Variants in CGNL1 observed in about 807,000 individuals in gnomAD.
The protein encoded by CGNL1 is cingulin like 1, also known as cingulin-like protein 1.
In CGNL1, 132 loss-of-function variants were observed where a neutral mutation model predicts 141.2. The observed-to-expected ratio is 0.93, with a 90% CI of 0.81 to 1.08. The LOEUF is 1.08. Among genes scored for constraint, CGNL1 ranks in the 50% least tolerant of loss-of-function variants. The probability of loss-of-function intolerance (pLI) is 0.00; values close to 1 mark genes in which losing one functional copy is unlikely to be tolerated. For synonymous variants in CGNL1, 690 were observed against 622.1 expected (o/e 1.11, Z -1.63); for missense variants, 1,870 against 1,588.6 (o/e 1.18, Z -3.01).
At chr15:57,523,225 C>G (rs2031384636) in intron 10 of CGNL1, among the ~76,000 whole-genome samples, 1 of 152,208 alleles carries the variant, frequency 6.6e-6, no homozygotes, top group African/African-American at 2.4e-5. Context: ...GCAGCCTTGG[C>G]CATGTATTTC....
At chr15:57,456,231 T>C (rs575559985) in intron 7 of CGNL1, among the ~76,000 whole-genome samples, 1 of 152,348 alleles carries the variant, frequency 6.6e-6, no homozygotes, top group East Asian at 1.9e-4. Flanking sequence ...CCCATGGCAG[T>C]TAGCTTGGAA....
intron 7 of CGNL1, among the ~76,000 whole-genome samples, chr15:57,455,255 C>G (rs979637216): frequency 5.3e-5 from 8 of 151,934 alleles, no homozygotes; most frequent in Non-Finnish European, 1.2e-4. Context: ...AAAATTGTTT[C>G]TAAGAATAAG....
chr15:57,423,715 G>T (rs2062941390), intron 1 of CGNL1, among the ~76,000 whole-genome samples: 1 of 152,116 alleles, frequency 6.6e-6, no homozygotes, highest in East Asian at 1.9e-4. Flanking sequence ...AGATTTCCTC[G>T]CATCCCCCTG....
At chr15:57,506,312 G>A (rs1475015204) in intron 8 of CGNL1, among the ~76,000 whole-genome samples, 1 of 152,218 alleles carries the variant, frequency 6.6e-6, no homozygotes, top group Non-Finnish European at 1.5e-5. Context: ...GGCATGTTGG[G>A]TTCTATAAAC....
chr15:57,437,658 G>T (rs1372613951), intron 1 of CGNL1, among the ~76,000 whole-genome samples: 1 of 67,532 alleles, frequency 1.5e-5, no homozygotes, highest in Non-Finnish European at 3.1e-5. Context: ...AAGGCAACCA[G>T]AACAGCCCAA....
intron 1 of CGNL1, among the ~76,000 whole-genome samples, chr15:57,400,509 G>A (rs78438291): frequency 0.027 from 4,179 of 152,128 alleles, 166 homozygotes; most frequent in Admixed American, 0.1. Flanking sequence ...GAAAATGGTG[G>A]GCTTCACAGC....
Position 57,454,102 on chromosome 15 carries a change from A to G in CGNL1, c.2190+284A>G, listed in dbSNP as rs2063352325. Among the ~76,000 whole-genome samples, 4 of 152,278 alleles carry G rather than the reference A, an allele frequency of 2.6e-5. No homozygotes were observed. In the South Asian group the frequency reaches 8.3e-4, roughly 32 times the overall value. On this transcript the variant is annotated intron_variant, in intron 7 of 18. Transcript: ENST00000281282. Reference sequence around the variant, plus strand: ...TTATTAGCAAGAATGTTGGTTTTCAATATGTACATTTTTGGGAGAGGGAAT... The same window carrying G: ...TTATTAGCAAGAATGTTGGTTTTCAGTATGTACATTTTTGGGAGAGGGAAT...
At chr15:57,515,590 A>G (rs562287774) in intron 8 of CGNL1, among the ~76,000 whole-genome samples, 21 of 152,224 alleles carry the variant, frequency 1.4e-4, no homozygotes, top group African/African-American at 4.8e-4. Context: ...GAAATGGAGG[A>G]CAGGTAAGAG....
intron 1 of CGNL1, among the ~76,000 whole-genome samples, chr15:57,414,661 A>AAACAAC (rs10527352): frequency 0.84 from 127,072 of 151,288 alleles, 53,773 homozygotes; most frequent in East Asian, 0.95. Flanking sequence ...TTTAAAACCA[A>AAACAAC]AACAACAACA....
At chr15:57,513,455 G>C (rs1373025987) in intron 8 of CGNL1, among the ~76,000 whole-genome samples, 4 of 152,092 alleles carry the variant, frequency 2.6e-5, no homozygotes, top group Non-Finnish European at 4.4e-5. Context: ...TAGATTGCTT[G>C]CACTTATTGG....
chr15:57,409,344 T>C (rs1454366392), intron 1 of CGNL1, among the ~76,000 whole-genome samples: 1 of 152,214 alleles, frequency 6.6e-6, no homozygotes, highest in African/African-American at 2.4e-5. Context: ...AATTCCATGC[T>C]GAGGAGATTG....
chr15:57,529,086 T>A, intron 13 of CGNL1: 1 of 314,248 alleles, frequency 3.2e-6, no homozygotes, highest in South Asian at 5.4e-5. Context: ...CTCAGGGACA[T>A]TAGGTGATTT....
intron 4 of CGNL1, among the ~76,000 whole-genome samples, chr15:57,445,635 G>A (rs1374461781): frequency 6.6e-6 from 1 of 152,184 alleles, no homozygotes; most frequent in Non-Finnish European, 1.5e-5. Flanking sequence ...GAAGTTGTGT[G>A]TTTGTGTTTC....
chr15:57,476,717 G>A lies in CGNL1; in HGVS notation c.2403+14825G>A, dbSNP rs115889446. Among the ~76,000 whole-genome samples the A allele has an allele frequency of 3.9e-3, 592 of 152,306 alleles. 2 individuals carry two copies. Among genetic ancestry groups the A allele is most frequent in the African/African-American group, 0.014 (564 of 41,544 alleles). On this transcript the variant is annotated intron_variant, in intron 8 of 18. Transcript: ENST00000281282. ...ATGCAATGGAAAAATCCCTCTGTCC[G>A]AGTCATCTCTAGGGAACAGAACTTG...
chr15:57,381,486 A>G (rs1171137940), intron 1 of CGNL1, among the ~76,000 whole-genome samples: 2 of 152,144 alleles, frequency 1.3e-5, no homozygotes, highest in East Asian at 1.9e-4. Flanking sequence ...GCTTGAGCCT[A>G]GGAGGTTGAG....
At position 57,388,111 on chromosome 15, in the gene CGNL1, G is replaced by A. The variant is rs529210059; in HGVS notation, c.-16+11544G>A. On this transcript the variant is annotated intron_variant, in intron 1 of 18. Transcript: ENST00000281282. ...TCTGACCTTATCTGCAGTGTCGGGGGGCTTCAGTGGGCAGAGATTAAAGCA... is the reference window on the plus strand; with the variant it reads ...TCTGACCTTATCTGCAGTGTCGGGGAGCTTCAGTGGGCAGAGATTAAAGCA... Among the ~76,000 whole-genome samples the A allele has an allele frequency of 2.0e-5, 3 of 152,332 alleles. No individual in the cohort carries two copies. The East Asian group carries it at 5.8e-4, about 29-fold the overall frequency.
intron 7 of CGNL1, among the ~76,000 whole-genome samples, chr15:57,458,154 A>C (rs1319041861): frequency 6.6e-6 from 1 of 152,210 alleles, no homozygotes; most frequent in African/African-American, 2.4e-5. Context: ...TAAGGACCAG[A>C]CACAGTCAAC....
intron 1 of CGNL1, among the ~76,000 whole-genome samples, chr15:57,383,573 C>T (rs1424988230): frequency 1.3e-5 from 2 of 151,308 alleles, no homozygotes; most frequent in African/African-American, 4.9e-5. Flanking sequence ...GCTGGGATTA[C>T]AGGCGTGAGC....
intron 7 of CGNL1, among the ~76,000 whole-genome samples, chr15:57,454,753 T>C (rs983655100): frequency 3.9e-5 from 6 of 152,336 alleles, no homozygotes; most frequent in African/African-American, 1.2e-4. Flanking sequence ...CCTCTTTTTA[T>C]CAAATGATTC....
Sources: gnomAD v4.1 joint callset for allele counts (sites outside exome capture counted in the v4.1 genomes callset) on GRCh38, gnomAD v4.1.1 for gene constraint, MANE v1.5 for transcripts, NCBI Gene and HGNC (gene_info 2026-07-23, HGNC 2026-07-21) for gene names.